The following MAML3 variants were observed in gnomAD, a reference collection of about 807,000 sequenced individuals.
MAML3 encodes the protein mastermind-like protein 3.
In MAML3, 27 loss-of-function variants were observed where a neutral mutation model predicts 101.9. That is an observed-to-expected ratio of 0.27 (90% CI 0.20 to 0.37). The LOEUF (loss-of-function observed/expected upper bound fraction) is 0.37, where lower values mean the gene tolerates loss of function less well. MAML3 is among the 10% of genes least tolerant of loss of function. MAML3 has a pLI of 1.00. For synonymous variants in MAML3, 501 were observed against 555.9 expected (o/e 0.90, Z 1.39); for missense variants, 1,316 against 1,444.9 (o/e 0.91, Z 1.45).
chr4:139,844,133 T>C (rs968182595), intron 2 of MAML3, among the ~76,000 whole-genome samples: 1 of 152,228 alleles, frequency 6.6e-6, no homozygotes, highest in Non-Finnish European at 1.5e-5. Flanking sequence ...CCTCTGGCTC[T>C]GGTAGGACCC....
intron 2 of MAML3, among the ~76,000 whole-genome samples, chr4:139,784,370 G>A (rs377402873): frequency 1.3e-4 from 20 of 152,288 alleles, no homozygotes; most frequent in Non-Finnish European, 7.4e-5. Flanking sequence ...CATTCCAAGC[G>A]ATCCTGGCGA....
chr4:140,082,793 G>A (rs545293544), intron 1 of MAML3, among the ~76,000 whole-genome samples: 2 of 150,996 alleles, frequency 1.3e-5, no homozygotes, highest in African/African-American at 2.4e-5. Flanking sequence ...CAGAAATCCC[G>A]AAGTTGGAGA....
intron 1 of MAML3, among the ~76,000 whole-genome samples, chr4:140,006,469 C>A (rs1726449075): frequency 6.6e-6 from 1 of 151,132 alleles, no homozygotes; most frequent in African/African-American, 2.4e-5. Flanking sequence ...GCCTGTAATC[C>A]CAGTTACTCT....
At chr4:139,777,332 C>G (rs1730112372) in intron 2 of MAML3, among the ~76,000 whole-genome samples, 1 of 152,196 alleles carries the variant, frequency 6.6e-6, no homozygotes, top group African/African-American at 2.4e-5. Context: ...AAATCATTCA[C>G]ATTTCCTTCC....
chr4:140,047,814 T>C (rs867418777), intron 1 of MAML3, among the ~76,000 whole-genome samples: 1 of 150,086 alleles, frequency 6.7e-6, no homozygotes, highest in Non-Finnish European at 1.5e-5. Flanking sequence ...TGGAGGAGAC[T>C]GAACTTAAAT....
chr4:140,145,871 C>CTTTTTT (rs1320602930), intron 1 of MAML3, among the ~76,000 whole-genome samples: 1 of 32,676 alleles, frequency 3.1e-5, no homozygotes, highest in Non-Finnish European at 8.0e-5. Flanking sequence ...CCTTTTTTTT[C>CTTTTTT]TTTTTTCTTT....
At chr4:139,723,531 C>T (rs1252610235) in intron 4 of MAML3, among the ~76,000 whole-genome samples, 1 of 152,082 alleles carries the variant, frequency 6.6e-6, no homozygotes, top group African/African-American at 2.4e-5. Context: ...AGGCTGGTCT[C>T]GAACTCCCGA....
At chr4:139,777,249 T>C (rs1730111491) in intron 2 of MAML3, among the ~76,000 whole-genome samples, 1 of 152,182 alleles carries the variant, frequency 6.6e-6, no homozygotes, top group Non-Finnish European at 1.5e-5. Context: ...CAAAATAGAA[T>C]TTCCGGTTCT....
At chr4:140,072,112 A>C (rs1727666746) in intron 1 of MAML3, among the ~76,000 whole-genome samples, 1 of 152,100 alleles carries the variant, frequency 6.6e-6, no homozygotes, top group Non-Finnish European at 1.5e-5. Flanking sequence ...AAGTGAAGAA[A>C]ACCATTGATA....
intron 2 of MAML3, among the ~76,000 whole-genome samples, chr4:139,863,271 G>C (rs991464995): frequency 6.6e-6 from 1 of 151,052 alleles, no homozygotes; most frequent in Admixed American, 6.6e-5. Context: ...AATATGGTAA[G>C]TCTTATTCTT....
At chr4:139,855,930 G>C (rs1256337843) in intron 2 of MAML3, among the ~76,000 whole-genome samples, 5 of 152,200 alleles carry the variant, frequency 3.3e-5, no homozygotes, top group Non-Finnish European at 5.9e-5. Context: ...AAAACTCCCA[G>C]TCACTCTTTA....
intron 2 of MAML3, among the ~76,000 whole-genome samples, chr4:139,769,818 T>C (rs1272286991): frequency 2.0e-5 from 3 of 152,182 alleles, no homozygotes; most frequent in African/African-American, 7.2e-5. Flanking sequence ...TTTCTCCATG[T>C]TGGTCAGGCT....
chr4:139,973,810 T>C (rs911931036), intron 1 of MAML3, among the ~76,000 whole-genome samples: 1 of 152,174 alleles, frequency 6.6e-6, no homozygotes, highest in South Asian at 2.1e-4. Context: ...ACCACTTGCT[T>C]TGATAAATCT....
At chr4:140,147,916 A>ATGTG (rs5862457) in intron 1 of MAML3, among the ~76,000 whole-genome samples, 25,440 of 150,862 alleles carry the variant, frequency 0.17, 2,335 homozygotes, top group East Asian at 0.38. Flanking sequence ...GAATGAGTGA[A>ATGTG]TGTGTGTGTG....
chr4:140,078,032 T>A (rs572974431), intron 1 of MAML3, among the ~76,000 whole-genome samples: 13 of 150,738 alleles, frequency 8.6e-5, no homozygotes, highest in African/African-American at 3.2e-4. Context: ...AATAAAAAAA[T>A]AAATAAATAA....
At chr4:139,740,093 A>G (rs1439885823) in intron 2 of MAML3, 2 of 152,172 alleles carry the variant, frequency 1.3e-5, no homozygotes, top group African/African-American at 4.8e-5. Context: ...TGCTGCCACA[A>G]AGAGCTCCTA....
At chr4:139,843,499 T>C (rs549499125) in intron 2 of MAML3, among the ~76,000 whole-genome samples, 1 of 152,220 alleles carries the variant, frequency 6.6e-6, no homozygotes, top group African/African-American at 2.4e-5. Context: ...TAATTACCCA[T>C]GTTTAAGGAC....
At chr4:139,904,088 A>T (rs1732774206) in intron 1 of MAML3, among the ~76,000 whole-genome samples, 2 of 152,176 alleles carry the variant, frequency 1.3e-5, no homozygotes, top group Non-Finnish European at 2.9e-5. Context: ...CACAGCAGAG[A>T]TTATGTTTCA....
At chr4:139,902,180 A>G (rs965830663) in intron 1 of MAML3, among the ~76,000 whole-genome samples, 1 of 152,202 alleles carries the variant, frequency 6.6e-6, no homozygotes, top group Admixed American at 6.5e-5. Context: ...CCCTCCTGGA[A>G]GAGAATTTCC....
Sources: allele counts gnomAD v4.1 joint callset (sites outside exome capture counted in the v4.1 genomes callset), GRCh38; gene constraint gnomAD v4.1.1; transcripts MANE v1.5; gene names NCBI Gene and HGNC (gene_info 2026-07-23, HGNC 2026-07-21).